The following MYL4 variants were observed in gnomAD, a reference collection of about 807,000 sequenced individuals.
MYL4 encodes the protein myosin light chain 4, also known as atrial myosin light chain 1.
A neutral mutation model predicts 21.6 loss-of-function variants in MYL4; 16 were observed. The observed-to-expected ratio is 0.74, with a 90% confidence interval of 0.50 to 1.12. The LOEUF (loss-of-function observed/expected upper bound fraction) is 1.12, where lower values mean the gene tolerates loss of function less well. Among genes scored for constraint, MYL4 ranks in the 50% most tolerant of loss-of-function variants. MYL4 has a pLI of 0.00. For missense variants in MYL4, 249 were observed against 252.9 expected, an observed-to-expected ratio of 0.98 and a Z score of 0.11; for synonymous variants, 82 against 95.7, an observed-to-expected ratio of 0.86 and a Z score of 0.83.
intron 1 of MYL4, among the ~76,000 whole-genome samples, chr17:47,212,305 A>G (rs2064782121): frequency 1.3e-5 from 2 of 152,230 alleles, no homozygotes; most frequent in African/African-American, 4.8e-5. Context: ...GCATTAAATT[A>G]CTATGCATTA....
intron 1 of MYL4, among the ~76,000 whole-genome samples, chr17:47,201,133 C>T (rs1207068267): frequency 6.6e-6 from 1 of 152,220 alleles, no homozygotes; most frequent in Non-Finnish European, 1.5e-5. Context: ...CGAGCCACTG[C>T]ACTCCAGCCT....
chr17:47,209,765 G>A (rs2064759609), intron 1 of MYL4: 1 of 713,282 alleles, frequency 1.4e-6, no homozygotes, highest in Non-Finnish European at 2.3e-6. Flanking sequence ...TCAAGAATGA[G>A]GTGCTGCTTT....
chr17:47,202,522 A>G (rs2064713234), intron 1 of MYL4, among the ~76,000 whole-genome samples: 1 of 152,240 alleles, frequency 6.6e-6, no homozygotes, highest in African/African-American at 2.4e-5. Context: ...TGACAAAACT[A>G]CTTCATATTA....
chr17:47,193,904 C>T, the MYL4 span, among the ~76,000 whole-genome samples: 37 of 152,232 alleles, frequency 2.4e-4, no homozygotes, highest in Non-Finnish European at 4.3e-4. Context: ...CACAGGCACA[C>T]GCCACCATGC....
At chr17:47,206,895 C>T (rs539912416), upstream of MYL4, among the ~76,000 whole-genome samples, 3 of 152,160 alleles carry the variant, frequency 2.0e-5, no homozygotes, top group Admixed American at 1.3e-4. Context: ...GGAAGGGATG[C>T]AGGTGGAGGT....
At chr17:47,203,181 C>T (rs929339315) in intron 1 of MYL4, among the ~76,000 whole-genome samples, 3 of 152,108 alleles carry the variant, frequency 2.0e-5, no homozygotes, top group Non-Finnish European at 4.4e-5. Context: ...GAACTCCTGA[C>T]CTCAAGTGAT....
chr17:47,205,379 CTG>C (rs35653180), upstream of MYL4, among the ~76,000 whole-genome samples: 17,193 of 152,176 alleles, frequency 0.11, 1,281 homozygotes, highest in Non-Finnish European at 0.15. Context: ...TAGGGCAAGT[CTG>C]TGTCATAGGC....
At chr17:47,222,306 G>A in intron 4 of MYL4, 74 bp from the exon 5 acceptor site, 1 of 1,375,222 alleles carries the variant, frequency 7.3e-7, no homozygotes, top group South Asian at 1.2e-5. Flanking sequence ...ACACTTAAGG[G>A]GGTACTTGGG....
the MYL4 span, among the ~76,000 whole-genome samples, chr17:47,195,151 C>T: frequency 1.3e-5 from 2 of 150,840 alleles, no homozygotes; most frequent in African/African-American, 4.9e-5. Flanking sequence ...CTCTGCCTCC[C>T]GGGTTCAAGC....
At chr17:47,194,248 A>G in the MYL4 span, among the ~76,000 whole-genome samples, 7 of 152,366 alleles carry the variant, frequency 4.6e-5, no homozygotes, top group Admixed American at 2.6e-4. Context: ...AGTTTAAGAT[A>G]TCACCATCTT....
intron 2 of MYL4, among the ~76,000 whole-genome samples, chr17:47,218,344 C>CT (rs993548069): frequency 1.1e-4 from 16 of 152,258 alleles, no homozygotes; most frequent in African/African-American, 3.1e-4. Flanking sequence ...TGAAAACTGG[C>CT]TTTTTTTCCT....
chr17:47,224,735 T>C (rs1002517355), downstream of MYL4, among the ~76,000 whole-genome samples: 1 of 152,134 alleles, frequency 6.6e-6, no homozygotes, highest in African/African-American at 2.4e-5. Context: ...GGTCCTCGCT[T>C]TTTTAGGTGC....
intron 4 of MYL4, 49 bp downstream of exon 4, chr17:47,221,904 T>G: frequency 6.3e-7 from 1 of 1,578,600 alleles, no homozygotes; most frequent in Admixed American, 1.7e-5. Context: ...AATGGAGGGG[T>G]GGGAGGTGCC....
At chr17:47,213,942 T>C (rs1442375429) in intron 2 of MYL4, 116 bp downstream of exon 2, 8 of 1,236,302 alleles carry the variant, frequency 6.5e-6, no homozygotes, top group East Asian at 4.7e-5. Flanking sequence ...ACTGTCATCA[T>C]CATAGCAAAC....
chr17:47,209,924 G>A (rs1402943331), intron 1 of MYL4, among the ~76,000 whole-genome samples: 1 of 152,156 alleles, frequency 6.6e-6, no homozygotes, highest in Non-Finnish European at 1.5e-5. Flanking sequence ...AGGAGGTAGT[G>A]GGATATCTTT....
chr17:47,222,873 C>G (rs2064867210), intron 5 of MYL4, 141 bp from the exon 6 acceptor site: 2 of 1,055,502 alleles, frequency 1.9e-6, no homozygotes, highest in Admixed American at 1.9e-5. Context: ...CCCACCAACC[C>G]CCAAATAAGA....
At chr17:47,197,458 G>T (rs1287622579), upstream of MYL4, among the ~76,000 whole-genome samples, 1 of 152,144 alleles carries the variant, frequency 6.6e-6, no homozygotes, top group African/African-American at 2.4e-5. Context: ...TTCAGAAAAT[G>T]CATCTTGATT....
At chr17:47,208,884 C>G (rs992775695), upstream of MYL4, among the ~76,000 whole-genome samples, 1 of 152,080 alleles carries the variant, frequency 6.6e-6, no homozygotes, top group Non-Finnish European at 1.5e-5. Context: ...CTTCAGAGCT[C>G]CATGCCTGGA....
chr17:47,221,735 A>T lies in MYL4; in HGVS notation c.367A>T (p.Ile123Phe). The T allele has an allele frequency of 6.2e-7, 1 of 1,614,090 alleles. No homozygotes were observed. The part of the protein sequence containing the change: ...FETFLPILQH[I>F]SRNKEQGTYE... ...GACGTTCTTGCCCATCCTGCAGCACATTTCCCGCAACAAGGAGCAGGGCAC... is the reference window on the plus strand; with the variant it reads ...GACGTTCTTGCCCATCCTGCAGCACTTTTCCCGCAACAAGGAGCAGGGCAC... Residue 123 changes from isoleucine (I) to phenylalanine (F), a missense_variant, in exon 4 of 7, where the codon ATT becomes TTT. Coordinates refer to ENST00000393450, the MANE Select transcript of MYL4 (RefSeq NM_002476.2).
Sources: allele counts gnomAD v4.1 joint callset (sites outside exome capture counted in the v4.1 genomes callset), GRCh38; gene constraint gnomAD v4.1.1; transcripts MANE v1.5; gene names NCBI Gene and HGNC (gene_info 2026-07-23, HGNC 2026-07-21).